Variants in CLIC5 observed in about 807,000 individuals in gnomAD.
CLIC5 encodes chloride intracellular channel protein 5.
In CLIC5, 20 loss-of-function variants were observed where a neutral mutation model predicts 24.7. That is an observed-to-expected ratio of 0.81 (90% CI 0.57 to 1.18). The LOEUF is 1.18. Ranked by LOEUF, CLIC5 falls within the 50% of genes most tolerant of loss-of-function variation. CLIC5 has a pLI of 0.00. For missense variants in CLIC5, 341 were observed against 326.1 expected (o/e 1.05, Z -0.35); for synonymous variants, 159 against 135.6 (o/e 1.17, Z -1.20).
At chr6:46,123,442 A>G in the CLIC5 span, among the ~76,000 whole-genome samples, 1 of 152,214 alleles carries the variant, frequency 6.6e-6, no homozygotes, top group Admixed American at 6.5e-5. Context: ...TAAAAATAAT[A>G]AGAGCTATTT....
At chr6:45,932,179 G>A (rs890378333) in intron 4 of CLIC5, among the ~76,000 whole-genome samples, 3 of 152,072 alleles carry the variant, frequency 2.0e-5, no homozygotes, top group East Asian at 1.9e-4. Context: ...GCACCATCTC[G>A]GTTCACTGCA....
At chr6:45,920,230 T>G in intron 4 of CLIC5, 1 of 983,760 alleles carries the variant, frequency 1.0e-6, no homozygotes, top group Non-Finnish European at 1.2e-6. Context: ...GAAGGAGTTT[T>G]CTCTGAGTAG....
chr6:46,010,015 T>C (rs1182359341), intron 1 of CLIC5, among the ~76,000 whole-genome samples: 1 of 152,122 alleles, frequency 6.6e-6, no homozygotes, highest in African/African-American at 2.4e-5. Context: ...GTGGTTGCAC[T>C]GTACTTCAGT....
intron 1 of CLIC5, among the ~76,000 whole-genome samples, chr6:46,075,941 C>T (rs1398262706): frequency 1.3e-5 from 2 of 152,182 alleles, no homozygotes; most frequent in African/African-American, 4.8e-5. Flanking sequence ...CAGCAAAATG[C>T]TTGGGCTTTC....
chr6:45,978,404 G>T (rs540636837), intron 1 of CLIC5, among the ~76,000 whole-genome samples: 1 of 152,024 alleles, frequency 6.6e-6, no homozygotes, highest in Non-Finnish European at 1.5e-5. Context: ...ATATATGTGG[G>T]GATTCTTAAA....
chr6:46,072,243 A>C (rs565245137), intron 1 of CLIC5, among the ~76,000 whole-genome samples: 1 of 152,056 alleles, frequency 6.6e-6, no homozygotes, highest in South Asian at 2.1e-4. Context: ...AAAGAAAAAA[A>C]AAAAAAAAGA....
At chr6:46,091,746 TA>T in the CLIC5 span, among the ~76,000 whole-genome samples, 1 of 152,210 alleles carries the variant, frequency 6.6e-6, no homozygotes, top group African/African-American at 2.4e-5. Context: ...ACATTTTCTT[TA>T]TCCATTCATC....
At chr6:46,066,871 G>T (rs1265761519) in intron 1 of CLIC5, among the ~76,000 whole-genome samples, 1 of 152,168 alleles carries the variant, frequency 6.6e-6, no homozygotes, top group African/African-American at 2.4e-5. Flanking sequence ...GTTGTAGGCA[G>T]AGGTATCAGC....
In CLIC5 at chr6:45,928,734, C is replaced by A. The variant is rs529175840; in HGVS notation, c.406+12813G>T. 2.6e-5 allele frequency among the ~76,000 whole-genome samples: 4 copies of A among 151,512 alleles called. No individual in the cohort carries two copies. The South Asian group carries it at 8.3e-4, about 32-fold the overall frequency. On this transcript the variant is annotated intron_variant, in intron 4 of 5. Coordinates refer to ENST00000339561, the MANE Select transcript of CLIC5 (RefSeq NM_016929.5). ...AGGTATGTGATGGCCTTTGCCAGTACATAAGAACATCAGAACACACACGAA... is the reference window on the plus strand; with the variant it reads ...AGGTATGTGATGGCCTTTGCCAGTAAATAAGAACATCAGAACACACACGAA...
At chr6:46,092,081 G>A in the CLIC5 span, among the ~76,000 whole-genome samples, 2 of 152,180 alleles carry the variant, frequency 1.3e-5, no homozygotes, top group East Asian at 3.9e-4. Flanking sequence ...CAACTCTTAG[G>A]AGCTTGTGAA....
At chr6:45,941,507 G>A (rs1274160855) in intron 4 of CLIC5, 40 bp downstream of exon 4, 3 of 1,455,024 alleles carry the variant, frequency 2.1e-6, no homozygotes, top group African/African-American at 1.4e-5. Context: ...GCAGCAGATA[G>A]ACCACTGCCA....
intron 5 of CLIC5, among the ~76,000 whole-genome samples, chr6:45,906,978 T>G (rs1382084080): frequency 1.3e-5 from 2 of 152,226 alleles, no homozygotes; most frequent in African/African-American, 4.8e-5. Flanking sequence ...AGAGAGAGAA[T>G]GTGACTTCTT....
At chr6:46,075,700 C>A (rs1284128440) in intron 1 of CLIC5, among the ~76,000 whole-genome samples, 1 of 152,154 alleles carries the variant, frequency 6.6e-6, no homozygotes, top group East Asian at 1.9e-4. Flanking sequence ...TTTGCAATAA[C>A]CATTATCAGA....
chr6:45,920,316 T>C (rs1397785721), intron 4 of CLIC5: 4 of 982,488 alleles, frequency 4.1e-6, no homozygotes, highest in Admixed American at 6.1e-5. Flanking sequence ...ACGGGCTGTG[T>C]GACAATGAAA....
intron 6 of CLIC5, among the ~76,000 whole-genome samples, chr6:45,892,808 A>G (rs984140233): frequency 1.3e-5 from 2 of 152,192 alleles, no homozygotes; most frequent in Admixed American, 1.3e-4. Flanking sequence ...TTTCCATTTT[A>G]GAGCTACTCA....
At chr6:46,085,275 G>A (rs542601644), upstream of CLIC5, among the ~76,000 whole-genome samples, 219 of 152,314 alleles carry the variant, frequency 1.4e-3, 1 homozygote, top group African/African-American at 4.6e-3. Context: ...CTCTCAACTC[G>A]TCAAAGTCAT....
chr6:45,890,428 A>T (rs1287762072), intron 6 of CLIC5, among the ~76,000 whole-genome samples: 1 of 152,212 alleles, frequency 6.6e-6, no homozygotes, highest in Admixed American at 6.5e-5. Context: ...AAAGATGAGA[A>T]TGTGGAGCAA....
rs60094266 is a variant in CLIC5 at position 45,899,007 on chromosome 6, G to T, written c.*4081C>A. The stretch of plus-strand genomic sequence containing the variant: ...AAGGAATTGGATCTATTTCTTTAAC[G>T]TTAAATGAAATTATGCACACTTTGG... On this transcript the variant is annotated 3_prime_UTR_variant, in exon 6 of 6. Transcript: ENST00000339561. The T allele has an allele frequency of 6.6e-6, 1 of 152,054 alleles. No homozygotes were observed. Among genetic ancestry groups the T allele is most frequent in the Non-Finnish European group, 1.5e-5 (1 of 68,012 alleles). 9.4% of individuals were successfully genotyped at this position (152,054 alleles called of 1,614,324 possible).
At chr6:46,097,401 C>T in the CLIC5 span, 1 of 152,228 alleles carries the variant, frequency 6.6e-6, no homozygotes, top group Non-Finnish European at 1.5e-5. Context: ...ATCTGTAGCC[C>T]TGACCCCAGC....
Sources: allele counts gnomAD v4.1 joint callset (sites outside exome capture counted in the v4.1 genomes callset), GRCh38; gene constraint gnomAD v4.1.1; transcripts MANE v1.5; gene names NCBI Gene and HGNC (gene_info 2026-07-23, HGNC 2026-07-21).